RCAN2: variants seen among roughly 807,000 people sequenced by gnomAD.
RCAN2 encodes calcipressin-2.
A neutral mutation model predicts 23.6 loss-of-function variants in RCAN2; 9 were observed. That is an observed-to-expected ratio of 0.38 (90% CI 0.23 to 0.67). The LOEUF (loss-of-function observed/expected upper bound fraction) is 0.67, where lower values mean the gene tolerates loss of function less well. Ranked by LOEUF, RCAN2 falls within the 30% of genes least tolerant of loss-of-function variation. The pLI is 0.51. For missense variants in RCAN2, 273 were observed against 302.3 expected, an observed-to-expected ratio of 0.90 and a Z score of 0.72; for synonymous variants, 109 against 115.7, an observed-to-expected ratio of 0.94 and a Z score of 0.37.
chr6:46,438,974 T>C (rs944016440), intron 2 of RCAN2, among the ~76,000 whole-genome samples: 6 of 152,248 alleles, frequency 3.9e-5, no homozygotes, highest in African/African-American at 9.6e-5. Flanking sequence ...TTGTATATCT[T>C]AGAATATCTT....
chr6:46,368,851 A>T (rs549569310), intron 2 of RCAN2, among the ~76,000 whole-genome samples: 1 of 152,270 alleles, frequency 6.6e-6, no homozygotes, highest in Non-Finnish European at 1.5e-5. Flanking sequence ...AATACTGTAC[A>T]TGTAGGCTAC....
intron 1 of RCAN2, among the ~76,000 whole-genome samples, chr6:46,474,151 AG>A (rs1245639454): frequency 2.6e-5 from 4 of 152,140 alleles, no homozygotes; most frequent in Non-Finnish European, 5.9e-5. Context: ...GAAATGCTTC[AG>A]GAACAGGCAG....
At chr6:46,336,958 A>C (rs1764164258) in intron 2 of RCAN2, among the ~76,000 whole-genome samples, 2 of 152,046 alleles carry the variant, frequency 1.3e-5, no homozygotes, top group Middle Eastern at 6.8e-3. Flanking sequence ...AGTACCAAAA[A>C]AAAAAAAAAG....
chr6:46,450,482 A>G (rs1767843891), intron 2 of RCAN2, among the ~76,000 whole-genome samples: 1 of 152,084 alleles, frequency 6.6e-6, no homozygotes, highest in Non-Finnish European at 1.5e-5. Flanking sequence ...TGTTGAAGAG[A>G]TATCTGCTCT....
intron 2 of RCAN2, among the ~76,000 whole-genome samples, chr6:46,367,179 T>C (rs1172766542): frequency 6.6e-6 from 1 of 150,654 alleles, no homozygotes; most frequent in Non-Finnish European, 1.5e-5. Context: ...AACATGTAAA[T>C]TAATATTGGC....
intron 2 of RCAN2, among the ~76,000 whole-genome samples, chr6:46,307,845 T>A (rs1763119671): frequency 1.3e-5 from 2 of 152,228 alleles, no homozygotes; most frequent in East Asian, 3.9e-4. Flanking sequence ...CTATTGAAAA[T>A]CTTCCTGAAG....
rs528689828 is a variant in RCAN2 at position 46,240,127 on chromosome 6, G to T, written c.571+6621C>A. On this transcript the variant is annotated intron_variant, in intron 4 of 4. Coordinates refer to ENST00000371374, the MANE Select transcript of RCAN2 (RefSeq NM_001251974.2). Reference sequence around the variant, plus strand: ...TGTGAGCTGGGTCCTCCCTGGGAATGAAACATCCTGTTCTCCCTTGCCCCA... The same window carrying T: ...TGTGAGCTGGGTCCTCCCTGGGAATTAAACATCCTGTTCTCCCTTGCCCCA... Among the ~76,000 whole-genome samples, 3 of 152,244 alleles carry T rather than the reference G, an allele frequency of 2.0e-5. No individual in the cohort carries two copies. In the South Asian group the frequency reaches 6.2e-4, roughly 32 times the overall value.
At chr6:46,327,556 C>T (rs1448383376) in intron 2 of RCAN2, among the ~76,000 whole-genome samples, 1 of 152,164 alleles carries the variant, frequency 6.6e-6, no homozygotes, top group Non-Finnish European at 1.5e-5. Context: ...GGGGATCTAC[C>T]TGTACAAGTG....
intron 2 of RCAN2, among the ~76,000 whole-genome samples, chr6:46,430,365 C>T (rs1174044313): frequency 2.6e-5 from 4 of 152,086 alleles, no homozygotes. Flanking sequence ...TTCAGGAATA[C>T]AAGAAATAAT....
Position 46,476,544 on chromosome 6 carries a change from G to A in RCAN2, c.-3+14629C>T, listed in dbSNP as rs546120560. ...CCCTCTTAGATAGAATCCTGAAGGT[G>A]GAAGTTTCTTTGTATCATGCTGTGA... On this transcript the variant is annotated intron_variant, in intron 1 of 4. Coordinates refer to ENST00000371374, the MANE Select transcript of RCAN2 (RefSeq NM_001251974.2). 2.0e-5 allele frequency among the ~76,000 whole-genome samples: 3 copies of A among 152,246 alleles called. No individual in the cohort carries two copies. In the South Asian group the frequency reaches 6.2e-4, roughly 32 times the overall value.
chr6:46,233,262 CA>C (rs1765961445), intron 4 of RCAN2, among the ~76,000 whole-genome samples: 1 of 152,184 alleles, frequency 6.6e-6, no homozygotes, highest in South Asian at 2.1e-4. Flanking sequence ...GTCTTTCCTT[CA>C]GGAACTTCTT....
intron 2 of RCAN2, among the ~76,000 whole-genome samples, chr6:46,301,598 G>A (rs964339167): frequency 2.0e-5 from 3 of 152,094 alleles, no homozygotes; most frequent in Non-Finnish European, 4.4e-5. Flanking sequence ...CACTCTACTG[G>A]TGGATACAGA....
At chr6:46,284,717 C>T (rs923088428) in intron 2 of RCAN2, among the ~76,000 whole-genome samples, 26 of 152,190 alleles carry the variant, frequency 1.7e-4, no homozygotes, top group African/African-American at 6.3e-4. Flanking sequence ...GCATGGCATC[C>T]ACAGCCTATA....
intron 2 of RCAN2, among the ~76,000 whole-genome samples, chr6:46,299,208 T>C (rs1188981525): frequency 1.3e-5 from 2 of 152,006 alleles, no homozygotes; most frequent in Admixed American, 6.6e-5. Context: ...CCTGCATGTA[T>C]ACCCCATGAA....
chr6:46,239,077 A>T (rs961096368), intron 4 of RCAN2, among the ~76,000 whole-genome samples: 18 of 152,272 alleles, frequency 1.2e-4, no homozygotes, highest in African/African-American at 4.3e-4. Flanking sequence ...GGAGGCTAGA[A>T]GCCTAGATTC....
At chr6:46,264,873 G>A (rs1285542042) in intron 2 of RCAN2, among the ~76,000 whole-genome samples, 1 of 152,144 alleles carries the variant, frequency 6.6e-6, no homozygotes, top group East Asian at 1.9e-4. Context: ...CCGCACATAT[G>A]CTAATTTATC....
At chr6:46,333,026 T>C (rs1764031399) in intron 2 of RCAN2, among the ~76,000 whole-genome samples, 3 of 152,240 alleles carry the variant, frequency 2.0e-5, no homozygotes, top group African/African-American at 2.4e-5. Flanking sequence ...TGGTATCTCA[T>C]TGTGGTTTTG....
chr6:46,478,108 T>C (rs1221803050), intron 1 of RCAN2, among the ~76,000 whole-genome samples: 1 of 152,174 alleles, frequency 6.6e-6, no homozygotes, highest in African/African-American at 2.4e-5. Flanking sequence ...AAGACTAGAA[T>C]ATACAAAGAA....
intron 2 of RCAN2, among the ~76,000 whole-genome samples, chr6:46,305,335 C>T (rs1763028328): frequency 1.3e-5 from 2 of 152,080 alleles, no homozygotes; most frequent in Admixed American, 6.6e-5. Flanking sequence ...GCTTCTCAGG[C>T]TTTCCACAGA....
Sources: gnomAD v4.1 joint callset for allele counts (sites outside exome capture counted in the v4.1 genomes callset) on GRCh38, gnomAD v4.1.1 for gene constraint, MANE v1.5 for transcripts, NCBI Gene and HGNC (gene_info 2026-07-23, HGNC 2026-07-21) for gene names.